NGEF: variants seen among roughly 807,000 people sequenced by gnomAD.
The protein encoded by NGEF is neuronal guanine nucleotide exchange factor.
A neutral mutation model predicts 80.9 loss-of-function variants in NGEF; 31 were observed. The ratio of observed to expected loss-of-function variants is 0.38; its 90% CI spans 0.29 to 0.52. The LOEUF (loss-of-function observed/expected upper bound fraction) is 0.52. NGEF is among the 20% of genes least tolerant of loss of function. The pLI is 0.84. For synonymous variants in NGEF, 371 were observed against 370.2 expected (o/e 1.00, Z -0.03); for missense variants, 709 against 926.2 (o/e 0.77, Z 3.04).
chr2:232,946,156 C>G (rs1226377197), intron 3 of NGEF, among the ~76,000 whole-genome samples: 4 of 151,608 alleles, frequency 2.6e-5, no homozygotes, highest in African/African-American at 9.7e-5. Context: ...AGATTGGAGA[C>G]AGTATTCTAA....
At chr2:232,928,017 G>A in intron 3 of NGEF, 1 of 1,210,528 alleles carries the variant, frequency 8.3e-7, no homozygotes, top group Non-Finnish European at 1.0e-6. Context: ...GCGGCGGGGC[G>A]GGTGCGGGGG....
rs1691922567 is a variant in NGEF at position 232,892,760 on chromosome 2, C to G, written c.1142+138G>C. ...CTGTCACCAGTATCCCTGGCCAACT[C>G]CGGTGGCTCATGTGGACCTTGGGAA... is the stretch of plus-strand genomic sequence containing the variant. On this transcript the variant is annotated intron_variant, in intron 7 of 14. Coordinates refer to ENST00000264051, the MANE Select transcript of NGEF (RefSeq NM_019850.3). This position sits in a 1 kb window ranked among gnomAD's most constrained non-coding sequence, Gnocchi z 4.0. 1.1e-6 allele frequency: 1 copy of G among 927,500 alleles called. No individual in the cohort carries two copies. Among genetic ancestry groups the G allele is most frequent in the East Asian group, 2.4e-5 (1 of 40,968 alleles). 57.5% of individuals were successfully genotyped at this position (927,500 alleles called of 1,614,324 possible). A position where few individuals can be genotyped will look rare whatever the true frequency, so the allele number is the denominator to read the frequency against.
chr2:232,995,618 C>CA (rs376826955), intron 1 of NGEF, among the ~76,000 whole-genome samples: 2 of 66,876 alleles, frequency 3.0e-5, no homozygotes, highest in African/African-American at 5.4e-5. Flanking sequence ...AGTATGTATA[C>CA]GTATGTATAC....
intron 14 of NGEF, 72 bp from the exon 15 acceptor site, chr2:232,879,751 G>A (rs1331757151): frequency 1.4e-6 from 2 of 1,455,074 alleles, no homozygotes; most frequent in Non-Finnish European, 1.9e-6. Context: ...CTCCCTCCTG[G>A]CCAGGGCCCC....
chr2:232,879,256 C>T lies in NGEF; in HGVS notation c.*233G>A, dbSNP rs865974083. 4.0e-4 allele frequency: 203 copies of T among 506,552 alleles called. No individual in the cohort carries two copies. In the Middle Eastern group the frequency reaches 6.7e-3, roughly 17 times the overall value. 31.4% of individuals were successfully genotyped at this position (506,552 alleles called of 1,614,324 possible). Reference sequence around the variant, plus strand: ...GGGAGGTGGTGTAATACTGCTGAAACCTTCTTGTTTACAAATGCATCAGGA... The same window carrying T: ...GGGAGGTGGTGTAATACTGCTGAAATCTTCTTGTTTACAAATGCATCAGGA... On this transcript the variant is annotated 3_prime_UTR_variant, in exon 15 of 15. Transcript: ENST00000264051.
rs771713745 is a variant in NGEF, at chr2:232,879,496, C to G, written c.2126G>C (p.Arg709Pro). The G allele has an allele frequency of 6.3e-7, 1 of 1,599,526 alleles. No individual in the cohort carries two copies. The highest frequency in any genetic ancestry group is 1.7e-5 in the Admixed American group (1 of 59,762). ...TGGCCCCCTGGGTGGGGGTCATTGC[C>G]GATTCCGGCTGCCCAGCTTCCTGCG... ...KDRRKLGSRN[R>P]Q Residue 709 changes from arginine to proline, a missense_variant, in exon 15 of 15, where the codon CGG becomes CCG. Arg to Pro is a moderately radical substitution (Grantham distance 103, BLOSUM62 -2). Coordinates refer to ENST00000264051, the MANE Select transcript of NGEF (RefSeq NM_019850.3).
At chr2:232,988,872 T>C (rs144056793) in intron 1 of NGEF, among the ~76,000 whole-genome samples, 2 of 152,278 alleles carry the variant, frequency 1.3e-5, no homozygotes, top group Admixed American at 6.5e-5. Flanking sequence ...CAGGAAAGGA[T>C]GCTGGGAAAA....
At chr2:232,913,166 T>A (rs1254365686) in intron 5 of NGEF, among the ~76,000 whole-genome samples, 1 of 152,246 alleles carries the variant, frequency 6.6e-6, no homozygotes, top group African/African-American at 2.4e-5. Flanking sequence ...CTGCTTTTGC[T>A]GCATCCCACT....
intron 1 of NGEF, among the ~76,000 whole-genome samples, chr2:233,008,925 C>T (rs185290345): frequency 4.6e-5 from 7 of 151,940 alleles, no homozygotes; most frequent in African/African-American, 1.2e-4. Context: ...CTCAGCCTCC[C>T]GAGTAGCTGG....
chr2:232,903,713 C>T (rs901267583), intron 5 of NGEF, among the ~76,000 whole-genome samples: 2 of 152,214 alleles, frequency 1.3e-5, no homozygotes, highest in African/African-American at 4.8e-5. Flanking sequence ...AAGAAAAACT[C>T]CCTGCCGTCT....
chr2:232,886,335 G>T (rs1422203662), intron 9 of NGEF, among the ~76,000 whole-genome samples: 1 of 151,772 alleles, frequency 6.6e-6, no homozygotes, highest in African/African-American at 2.4e-5. Context: ...TGTGTGCAGT[G>T]TGTACTGTGT....
In NGEF at chr2:232,884,114, G is replaced by T; in HGVS notation, c.1468C>A (p.Leu490Met). The T allele has an allele frequency of 6.2e-7, 1 of 1,607,764 alleles. No individual in the cohort carries two copies. ...SVPIISHSRW[L>M]LKQGELQQMS... Reference sequence around the variant, plus strand: ...TGCTGCAGCTCACCCTGCTTCAGCAGCCAGCGGGAGTGGGAGATGATGGGC... The same window carrying T: ...TGCTGCAGCTCACCCTGCTTCAGCATCCAGCGGGAGTGGGAGATGATGGGC... Residue 490 changes from leucine to methionine, a missense_variant, in exon 11 of 15, where the codon CTG (leucine) becomes ATG (methionine). Leu to Met is a conservative substitution (Grantham distance 15). Transcript: ENST00000264051.
At chr2:232,978,480 A>T (rs1202108770) in intron 1 of NGEF, among the ~76,000 whole-genome samples, 2 of 152,228 alleles carry the variant, frequency 1.3e-5, no homozygotes, top group Non-Finnish European at 2.9e-5. Flanking sequence ...GCGCCACTGC[A>T]TTCCAGCCTG....
Position 232,885,383 on chromosome 2 carries a change from G to A in NGEF, c.1348-14C>T, listed in dbSNP as rs1447823198. 6.2e-7 allele frequency: 1 copy of A among 1,612,306 alleles called. No homozygotes were observed. The highest frequency in any genetic ancestry group is 1.7e-5 in the Admixed American group (1 of 60,004). On this transcript the variant is annotated splice_polypyrimidine_tract_variant and intron_variant, in intron 9 of 14. Transcript: ENST00000264051. ...TGCCTTCACCACCTGGGACAAGAAG[G>A]AGGGCACATCAGGCCACCAAAGCCG...
chr2:233,005,672 C>G (rs1261856294), intron 1 of NGEF, among the ~76,000 whole-genome samples: 1 of 152,170 alleles, frequency 6.6e-6, no homozygotes, highest in Non-Finnish European at 1.5e-5. Flanking sequence ...CGGGCAGCCT[C>G]TGGAGGCTGG....
intron 3 of NGEF, among the ~76,000 whole-genome samples, chr2:232,964,420 C>T (rs1850312): frequency 0.2 from 29,704 of 152,110 alleles, 3,078 homozygotes; most frequent in East Asian, 0.34. Flanking sequence ...GGGCCGGGCG[C>T]GGTGGCTCGC....
chr2:232,883,073 ACACACACACG>A (rs775342785), intron 12 of NGEF, among the ~76,000 whole-genome samples: 9 of 131,926 alleles, frequency 6.8e-5, no homozygotes, highest in Non-Finnish European at 8.3e-5. Context: ...ACACACACAC[ACACACACACG>A]CACACACGCA....
At chr2:232,887,962 G>A (rs1691746517) in intron 9 of NGEF, 71 bp downstream of exon 9, 1 of 1,160,128 alleles carries the variant, frequency 8.6e-7, no homozygotes, top group East Asian at 2.3e-5. Flanking sequence ...GTGGGGAGCA[G>A]GGCCGGAAAG....
At chr2:232,977,910 G>C (rs1694329776) in intron 1 of NGEF, among the ~76,000 whole-genome samples, 1 of 152,202 alleles carries the variant, frequency 6.6e-6, no homozygotes. Flanking sequence ...CAGCGGACAA[G>C]GGAGCTGGCC....
Sources: allele counts gnomAD v4.1 joint callset (sites outside exome capture counted in the v4.1 genomes callset), GRCh38; gene constraint gnomAD v4.1.1; non-coding constraint Gnocchi (gnomAD v3.1); transcripts MANE v1.5; gene names NCBI Gene and HGNC (gene_info 2026-07-23, HGNC 2026-07-21).